The following USP34 variants were observed in gnomAD, a reference collection of about 807,000 sequenced individuals.
The protein encoded by USP34 is ubiquitin specific peptidase 34.
A neutral mutation model predicts 460.3 loss-of-function variants in USP34; 70 were observed. The observed-to-expected ratio is 0.15, with a 90% CI of 0.13 to 0.19. The LOEUF is 0.19. Among genes scored for constraint, USP34 ranks in the 10% least tolerant of loss-of-function variants. USP34 has a pLI of 1.00. For missense variants in USP34, 3,985 were observed against 4,236.2 expected (o/e 0.94, Z 1.65); for synonymous variants, 1,647 against 1,405.3 (o/e 1.17, Z -3.85).
intron 75 of USP34, among the ~76,000 whole-genome samples, chr2:61,194,561 G>C (rs747142732): frequency 1.3e-5 from 2 of 152,180 alleles, no homozygotes; most frequent in Admixed American, 6.5e-5. Context: ...GCAGTGGCGT[G>C]ATCACAGATC....
rs541296103 is a variant in USP34 at position 61,194,885 on chromosome 2, G to A, written c.9509-1905C>T. On this transcript the variant is annotated intron_variant, in intron 75 of 79. Transcript: ENST00000398571. ...GGAGAATTGCTTGAACGCGGCAGGC[G>A]GAGGTTGCGGTGAGCCGAGATCGTG... is the stretch of plus-strand genomic sequence containing the variant. Among the ~76,000 whole-genome samples the A allele has an allele frequency of 3.3e-5, 5 of 151,392 alleles. No individual in the cohort carries two copies. In the East Asian group the frequency reaches 7.8e-4, roughly 24 times the overall value.
intron 1 of USP34, among the ~76,000 whole-genome samples, chr2:61,436,958 G>T (rs1008142909): frequency 1.3e-5 from 2 of 152,154 alleles, no homozygotes; most frequent in Non-Finnish European, 2.9e-5. Flanking sequence ...GTCAATGAAG[G>T]TATTAAGATG....
At chr2:61,414,731 G>A (rs1694144715) in intron 2 of USP34, among the ~76,000 whole-genome samples, 1 of 152,158 alleles carries the variant, frequency 6.6e-6, no homozygotes, top group South Asian at 2.1e-4. Flanking sequence ...TCAGAGCAAG[G>A]GAGTCAAGGA....
chr2:61,383,343 A>G lies in USP34; in HGVS notation c.754-7T>C, dbSNP rs919460253. 1.3e-6 allele frequency: 2 copies of G among 1,584,688 alleles called. No individual in the cohort carries two copies. Among genetic ancestry groups the G allele is most frequent in the Middle Eastern group, 1.8e-4 (1 of 5,572 alleles). On this transcript the variant is annotated splice_region_variant and splice_polypyrimidine_tract_variant and intron_variant, in intron 5 of 79. Transcript: ENST00000398571. ...TATGTAGCCATATTCTAATCTATATAAGAAACATAAAAACAACATTAATGC... is the reference window on the plus strand; with the variant it reads ...TATGTAGCCATATTCTAATCTATATGAGAAACATAAAAACAACATTAATGC...
intron 10 of USP34, among the ~76,000 whole-genome samples, chr2:61,358,420 A>T (rs1692172262): frequency 6.6e-6 from 1 of 152,130 alleles, no homozygotes. Flanking sequence ...AAAATTGGAC[A>T]ACCTGGAAGA....
chr2:61,267,942 G>A (rs987957293), intron 41 of USP34, among the ~76,000 whole-genome samples: 2 of 151,736 alleles, frequency 1.3e-5, no homozygotes, highest in African/African-American at 2.4e-5. Context: ...TTTTAGTAGA[G>A]ATGGGGTTTC....
intron 7 of USP34, among the ~76,000 whole-genome samples, chr2:61,378,925 A>AAAC (rs1401260659): frequency 2.7e-5 from 4 of 149,994 alleles, no homozygotes; most frequent in Admixed American, 6.6e-5. Context: ...AAAAAAAAAA[A>AAAC]AAAAAAAAAA....
At chr2:61,352,753 G>C (rs1370177495) in intron 10 of USP34, among the ~76,000 whole-genome samples, 2 of 151,458 alleles carry the variant, frequency 1.3e-5, no homozygotes, top group Non-Finnish European at 2.9e-5. Flanking sequence ...ATATTATTAA[G>C]AATGCGTGGT....
intron 43 of USP34, among the ~76,000 whole-genome samples, chr2:61,261,843 A>C (rs1056575211): frequency 6.6e-6 from 1 of 151,882 alleles, no homozygotes; most frequent in African/African-American, 2.4e-5. Flanking sequence ...GGTGGCTTAC[A>C]TCTGTAATCC....
At chr2:61,346,244 A>G (rs191830908) in intron 15 of USP34, 2 of 152,096 alleles carry the variant, frequency 1.3e-5, no homozygotes, top group Admixed American at 6.5e-5. Context: ...TAGGCTGGGT[A>G]TAAGTAGCTT....
At chr2:61,441,953 T>C (rs1284942979) in intron 1 of USP34, among the ~76,000 whole-genome samples, 1 of 150,964 alleles carries the variant, frequency 6.6e-6, no homozygotes, top group African/African-American at 2.4e-5. Context: ...CAGAACAGAG[T>C]GCCCAGAAGT....
At chr2:61,284,367 G>C (rs541274439) in intron 35 of USP34, among the ~76,000 whole-genome samples, 1 of 152,134 alleles carries the variant, frequency 6.6e-6, no homozygotes, top group Non-Finnish European at 1.5e-5. Context: ...ACTTGAAAAT[G>C]TATCATGAGA....
chr2:61,386,598 G>A (rs1428858523), intron 5 of USP34, among the ~76,000 whole-genome samples: 3 of 152,006 alleles, frequency 2.0e-5, no homozygotes, highest in Non-Finnish European at 4.4e-5. Context: ...AGACCATCCT[G>A]GCCAACATGG....
intron 48 of USP34, among the ~76,000 whole-genome samples, chr2:61,254,951 T>G (rs1169172471): frequency 6.6e-6 from 1 of 152,142 alleles, no homozygotes; most frequent in African/African-American, 2.4e-5. Flanking sequence ...CCTCAAGTGA[T>G]CCTCCCGATT....
intron 67 of USP34, among the ~76,000 whole-genome samples, chr2:61,216,734 C>T (rs1442214289): frequency 6.6e-6 from 1 of 151,904 alleles, no homozygotes; most frequent in African/African-American, 2.4e-5. Context: ...GCCTGGCCAA[C>T]ATGGTGAAAC....
chr2:61,218,746 G>T (rs566440044), intron 67 of USP34, among the ~76,000 whole-genome samples: 5 of 152,222 alleles, frequency 3.3e-5, no homozygotes. Context: ...ATCTGAGTTT[G>T]TCTGATGTGT....
At chr2:61,193,143 A>AT (rs1306879607) in intron 75 of USP34, 163 bp from the exon 76 acceptor site, 4 of 574,008 alleles carry the variant, frequency 7.0e-6, no homozygotes, top group Non-Finnish European at 1.2e-5. Context: ...GTTTAGTGAA[A>AT]TATCTTAGAA....
chr2:61,467,258 G>A (rs550594010), intron 1 of USP34, among the ~76,000 whole-genome samples: 11 of 151,328 alleles, frequency 7.3e-5, no homozygotes, highest in South Asian at 6.3e-4. Context: ...AGCCGAAACC[G>A]TGCCACTGCA....
intron 43 of USP34, 67 bp downstream of exon 43, chr2:61,265,330 A>G (rs926953597): frequency 7.3e-6 from 11 of 1,516,034 alleles, no homozygotes; most frequent in Non-Finnish European, 8.9e-6. Context: ...CATTGAAATA[A>G]AAATTTATCA....
Sources: gnomAD v4.1 joint callset for allele counts (sites outside exome capture counted in the v4.1 genomes callset) on GRCh38, gnomAD v4.1.1 for gene constraint, MANE v1.5 for transcripts, NCBI Gene and HGNC (gene_info 2026-07-23, HGNC 2026-07-21) for gene names.